CSNK2A2IP: variants seen among roughly 807,000 people sequenced by gnomAD.
CSNK2A2IP encodes casein kinase 2 subunit alpha' interacting protein, also known as casein kinase II subunit alpha'-interacting protein.
the CSNK2A2IP span, among the ~76,000 whole-genome samples, chr3:88,459,268 G>A: frequency 6.6e-6 from 1 of 151,940 alleles, no homozygotes; most frequent in Non-Finnish European, 1.5e-5. Flanking sequence ...TCTCATATTT[G>A]CAATAGGATA....
At chr3:88,455,804 G>A in the CSNK2A2IP span, among the ~76,000 whole-genome samples, 1 of 151,748 alleles carries the variant, frequency 6.6e-6, no homozygotes, top group African/African-American at 2.4e-5. Flanking sequence ...TTTTTTCTAT[G>A]TATTTTTGTA....
chr3:88,350,368 G>A, the CSNK2A2IP span, among the ~76,000 whole-genome samples: 1 of 152,076 alleles, frequency 6.6e-6, no homozygotes, highest in African/African-American at 2.4e-5. Flanking sequence ...CCTTGTGAAG[G>A]AAAGCTTTTT....
the CSNK2A2IP span, among the ~76,000 whole-genome samples, chr3:88,370,373 G>A: frequency 2.2e-4 from 33 of 151,864 alleles, no homozygotes; most frequent in African/African-American, 7.0e-4. Flanking sequence ...ATCAGTCAAA[G>A]GTTGGACTAG....
At chr3:88,358,107 G>A in the CSNK2A2IP span, among the ~76,000 whole-genome samples, 3 of 152,070 alleles carry the variant, frequency 2.0e-5, no homozygotes, top group Non-Finnish European at 4.4e-5. Context: ...TATTGTAAAT[G>A]GGATTACTTT....
At chr3:88,352,587 A>G in the CSNK2A2IP span, among the ~76,000 whole-genome samples, 4 of 151,946 alleles carry the variant, frequency 2.6e-5, no homozygotes, top group Non-Finnish European at 5.9e-5. Flanking sequence ...TAATTAATTT[A>G]TTTATTATTG....
the CSNK2A2IP span, among the ~76,000 whole-genome samples, chr3:88,450,536 C>A: frequency 6.6e-6 from 1 of 152,070 alleles, no homozygotes; most frequent in Non-Finnish European, 1.5e-5. Flanking sequence ...GGAGATCATA[C>A]AATAATTTTC....
the CSNK2A2IP span, among the ~76,000 whole-genome samples, chr3:88,445,421 C>T: frequency 2.6e-5 from 4 of 151,742 alleles, no homozygotes; most frequent in South Asian, 2.1e-4. Flanking sequence ...CTAGCCCAGG[C>T]GACAAAACGA....
At chr3:88,375,388 T>C in the CSNK2A2IP span, among the ~76,000 whole-genome samples, 2 of 151,910 alleles carry the variant, frequency 1.3e-5, no homozygotes, top group South Asian at 2.1e-4. Flanking sequence ...AATTTGGTAC[T>C]AGGGTTGAGA....
chr3:88,402,190 T>G, the CSNK2A2IP span, among the ~76,000 whole-genome samples: 3 of 152,206 alleles, frequency 2.0e-5, no homozygotes, highest in African/African-American at 7.2e-5. Flanking sequence ...ATTGTAACTT[T>G]GGCTTTTAAA....
At chr3:88,390,278 T>G in the CSNK2A2IP span, among the ~76,000 whole-genome samples, 2 of 152,106 alleles carry the variant, frequency 1.3e-5, no homozygotes, top group African/African-American at 4.8e-5. Context: ...TCCATGTAGC[T>G]TTTTTGGATT....
chr3:88,463,463 C>T, the CSNK2A2IP span, among the ~76,000 whole-genome samples: 413 of 152,176 alleles, frequency 2.7e-3, 2 homozygotes, highest in Admixed American at 4.4e-3. Context: ...ATTTAAAAAT[C>T]GTAAACATCG....
At chr3:88,408,694 A>G in the CSNK2A2IP span, among the ~76,000 whole-genome samples, 4 of 152,074 alleles carry the variant, frequency 2.6e-5, no homozygotes, top group South Asian at 4.2e-4. Context: ...AAGATTGCCC[A>G]TTGAAAGGGG....
chr3:88,403,669 T>C, the CSNK2A2IP span, among the ~76,000 whole-genome samples: 1 of 152,174 alleles, frequency 6.6e-6, no homozygotes, highest in Non-Finnish European at 1.5e-5. Context: ...TTATCTTGTA[T>C]GATTTTAGCA....
the CSNK2A2IP span, among the ~76,000 whole-genome samples, chr3:88,425,914 A>G: frequency 3.9e-5 from 6 of 152,150 alleles, no homozygotes; most frequent in East Asian, 1.9e-4. Context: ...ATTTTACCCA[A>G]TGAAGAAGCT....
At chr3:88,465,815 C>G in the CSNK2A2IP span, 2 of 1,231,568 alleles carry the variant, frequency 1.6e-6, no homozygotes, top group East Asian at 3.2e-5. Flanking sequence ...TTACAATTAC[C>G]CTTCTGTAAA....
the CSNK2A2IP span, among the ~76,000 whole-genome samples, chr3:88,434,519 A>G: frequency 0.3 from 45,857 of 151,946 alleles, 7,073 homozygotes; most frequent in African/African-American, 0.34. Flanking sequence ...GCTAGAAAAC[A>G]AAACCAAAAC....
chr3:88,374,846 A>G, the CSNK2A2IP span, among the ~76,000 whole-genome samples: 1 of 151,724 alleles, frequency 6.6e-6, no homozygotes, highest in African/African-American at 2.4e-5. Flanking sequence ...TATAGAAGTT[A>G]TTCAAATATA....
the CSNK2A2IP span, among the ~76,000 whole-genome samples, chr3:88,354,323 T>C: frequency 9.9e-5 from 15 of 152,170 alleles, no homozygotes; most frequent in Admixed American, 3.3e-4. Flanking sequence ...CATAGGGTGG[T>C]TGTAGTAATT....
chr3:88,461,377 C>A, the CSNK2A2IP span, among the ~76,000 whole-genome samples: 1 of 151,576 alleles, frequency 6.6e-6, no homozygotes, highest in Non-Finnish European at 1.5e-5. Flanking sequence ...CACGGTGAAA[C>A]CCCGTCTCTA....
Sources: gnomAD v4.1 joint callset for allele counts (sites outside exome capture counted in the v4.1 genomes callset) on GRCh38, gnomAD v4.1.1 for gene constraint, MANE v1.5 for transcripts, NCBI Gene and HGNC (gene_info 2026-07-23, HGNC 2026-07-21) for gene names.